Variants in STON2 observed in about 807,000 individuals in gnomAD.
The protein encoded by STON2 is stonin-2.
A neutral mutation model predicts 65.7 loss-of-function variants in STON2; 29 were observed. That is an observed-to-expected ratio of 0.44 (90% confidence interval 0.33 to 0.60). The LOEUF (loss-of-function observed/expected upper bound fraction) is 0.60. Ranked by LOEUF, STON2 falls within the 20% of genes least tolerant of loss-of-function variation. The pLI is 0.03. For synonymous variants in STON2, 404 were observed against 414.2 expected, an observed-to-expected ratio of 0.98 and a Z score of 0.30; for missense variants, 1,054 against 1,118.1, an observed-to-expected ratio of 0.94 and a Z score of 0.82.
At chr14:81,304,967 A>G (rs1025087319) in intron 5 of STON2, among the ~76,000 whole-genome samples, 2 of 152,176 alleles carry the variant, frequency 1.3e-5, no homozygotes, top group Non-Finnish European at 2.9e-5. Flanking sequence ...CCTTCCTATC[A>G]CTAACTACCT....
Position 81,262,640 on chromosome 14 carries a change from A to C in STON2, c.*5774T>G. The C allele has an allele frequency of 2.0e-6, 2 of 985,416 alleles. No individual in the cohort carries two copies. The highest frequency in any genetic ancestry group is 2.4e-6 in the Non-Finnish European group (2 of 829,914). The allele number at this position is 985,416 out of a possible 1,614,324, so 61.0% of individuals were successfully genotyped here. On this transcript the variant is annotated 3_prime_UTR_variant, in exon 8 of 8. Coordinates refer to ENST00000614646, the MANE Select transcript of STON2 (RefSeq NM_001394390.1). ...ATTTGCCTCTCTCCAGGCACTACCAAACTCATTACTGTGGATAGTTTCTGC... is the reference window on the plus strand; with the variant it reads ...ATTTGCCTCTCTCCAGGCACTACCACACTCATTACTGTGGATAGTTTCTGC...
chr14:81,320,378 A>T (rs542679134), intron 5 of STON2, among the ~76,000 whole-genome samples: 111 of 63,660 alleles, frequency 1.7e-3, no homozygotes, highest in Non-Finnish European at 2.6e-3. Context: ...TGATAAGAGG[A>T]GCTGCAAAGT....
At chr14:81,423,283 T>G (rs568270362) in intron 2 of STON2, among the ~76,000 whole-genome samples, 1 of 152,256 alleles carries the variant, frequency 6.6e-6, no homozygotes, top group Non-Finnish European at 1.5e-5. Flanking sequence ...AACAAAAAAT[T>G]ATAGCTCTCT....
chr14:81,278,174 A>C lies in STON2; in HGVS notation c.1308T>G (p.Ser436=), dbSNP rs1730957215. 1 of 1,614,084 alleles carries C rather than the reference A, an allele frequency of 6.2e-7. No individual in the cohort carries two copies. The highest frequency in any genetic ancestry group is 1.7e-5 in the Admixed American group (1 of 60,006). ...GTTGTTTGAGTTTTTCAACAGCATC[A>C]GAGTGTGACTGGGTTTTGCTTGAAT... ...FDDSSKTQSH[S]DAVEKLKQLQ... is the part of the protein sequence containing the mutation. The change falls in exon 6 of 8, where the codon TCT becomes TCG. Residue 436 remains serine, a synonymous_variant. Transcript: ENST00000614646.
At chr14:81,320,371 T>C (rs566483354) in intron 5 of STON2, among the ~76,000 whole-genome samples, 1 of 80,516 alleles carries the variant, frequency 1.2e-5, no homozygotes, top group South Asian at 3.5e-4. Context: ...CAACCCTTGA[T>C]AAGAGGAGCT....
At chr14:81,397,266 C>T (rs72691409) in intron 2 of STON2, among the ~76,000 whole-genome samples, 4,163 of 152,114 alleles carry the variant, frequency 0.027, 87 homozygotes, top group African/African-American at 0.052. Context: ...TACAGCACGT[C>T]AAACAGAAAT....
intron 5 of STON2, among the ~76,000 whole-genome samples, chr14:81,281,345 T>C (rs775190028): frequency 1.3e-5 from 2 of 152,202 alleles, no homozygotes; most frequent in Non-Finnish European, 2.9e-5. Flanking sequence ...CTGAGTGAAA[T>C]ATAATCACTT....
At chr14:81,362,688 T>C (rs1898547209) in intron 4 of STON2, among the ~76,000 whole-genome samples, 1 of 152,076 alleles carries the variant, frequency 6.6e-6, no homozygotes, top group African/African-American at 2.4e-5. Context: ...ATAGATACGT[T>C]AATTGATTTA....
At chr14:81,427,453 T>C (rs1902034569) in intron 1 of STON2, 2 of 152,232 alleles carry the variant, frequency 1.3e-5, no homozygotes, top group Admixed American at 6.5e-5. Flanking sequence ...TCTGACTCCT[T>C]GGGACTGCCT....
chr14:81,330,360 C>A (rs76620892), intron 4 of STON2, among the ~76,000 whole-genome samples: 5 of 152,198 alleles, frequency 3.3e-5, no homozygotes, highest in Admixed American at 2.0e-4. Context: ...AGGCACTGAG[C>A]TGGACACTGT....
At chr14:81,386,217 A>G (rs1024519411) in intron 3 of STON2, among the ~76,000 whole-genome samples, 1 of 152,198 alleles carries the variant, frequency 6.6e-6, no homozygotes, top group Non-Finnish European at 1.5e-5. Flanking sequence ...GAACAATTGA[A>G]GGTATTAAAA....
chr14:81,279,732 A>G (rs970305639), intron 5 of STON2, among the ~76,000 whole-genome samples: 2 of 152,126 alleles, frequency 1.3e-5, no homozygotes, highest in African/African-American at 4.8e-5. Flanking sequence ...GAAGATTTTG[A>G]AAGATTTTAG....
chr14:81,338,295 C>A (rs948191486), intron 4 of STON2, among the ~76,000 whole-genome samples: 2 of 152,102 alleles, frequency 1.3e-5, no homozygotes, highest in Admixed American at 6.5e-5. Context: ...TGTTGATCAC[C>A]AATCAATGGC....
chr14:81,358,137 G>GA (rs1346185684), intron 4 of STON2, among the ~76,000 whole-genome samples: 3 of 152,060 alleles, frequency 2.0e-5, no homozygotes, highest in African/African-American at 7.2e-5. Context: ...CTATAATGAT[G>GA]ATGTGTAAGG....
At position 81,264,614 on chromosome 14, in the gene STON2, T is replaced by C. The variant is rs1380878177; in HGVS notation, c.*3800A>G. 1 of 984,984 alleles carries C rather than the reference T, an allele frequency of 1.0e-6. No individual in the cohort carries two copies. The highest frequency in any genetic ancestry group is 1.2e-6 in the Non-Finnish European group (1 of 829,594). The allele number at this position is 984,984 out of a possible 1,614,324, so 61.0% of individuals were successfully genotyped here. On this transcript the variant is annotated 3_prime_UTR_variant, in exon 8 of 8. Coordinates refer to ENST00000614646, the MANE Select transcript of STON2 (RefSeq NM_001394390.1). ...AGTTTCTAGGGAAATAAACTCTTAC[T>C]CCCAGCCACTGGATTTGAATAGAAA...
chr14:81,293,844 T>C (rs927447393), intron 5 of STON2, among the ~76,000 whole-genome samples: 3 of 151,906 alleles, frequency 2.0e-5, no homozygotes, highest in African/African-American at 7.2e-5. Flanking sequence ...CTAGCACAGG[T>C]AGGGGAATGC....
chr14:81,282,690 C>T (rs1392522286), intron 5 of STON2, among the ~76,000 whole-genome samples: 3 of 152,048 alleles, frequency 2.0e-5, no homozygotes, highest in Non-Finnish European at 2.9e-5. Flanking sequence ...TGCAATGTTC[C>T]TTACAAAATA....
chr14:81,372,638 AAGAC>A (rs1234684807), intron 3 of STON2, among the ~76,000 whole-genome samples: 2 of 152,098 alleles, frequency 1.3e-5, no homozygotes, highest in Non-Finnish European at 1.5e-5. Flanking sequence ...TAACCTAGAT[AAGAC>A]AGGAAGAATG....
intron 5 of STON2, among the ~76,000 whole-genome samples, chr14:81,300,973 A>T (rs1895947541): frequency 6.6e-6 from 1 of 152,218 alleles, no homozygotes; most frequent in South Asian, 2.1e-4. Flanking sequence ...TATCATATTC[A>T]TATCATAGAA....
Sources: gnomAD v4.1 joint callset for allele counts (sites outside exome capture counted in the v4.1 genomes callset) on GRCh38, gnomAD v4.1.1 for gene constraint, MANE v1.5 for transcripts, NCBI Gene and HGNC (gene_info 2026-07-23, HGNC 2026-07-21) for gene names.